Variants in EPS15 observed in about 807,000 individuals in gnomAD.
EPS15 encodes the protein epidermal growth factor receptor pathway substrate 15.
A neutral mutation model predicts 113.8 loss-of-function variants in EPS15; 72 were observed. The ratio of observed to expected loss-of-function variants is 0.63; its 90% confidence interval spans 0.52 to 0.77. The LOEUF is 0.77. Ranked by LOEUF, EPS15 falls within the 30% of genes least tolerant of loss-of-function variation. The pLI, the probability that EPS15 is intolerant of heterozygous loss-of-function variation, is 0.00. For missense variants in EPS15, 1,048 were observed against 1,045.8 expected (o/e 1.00, Z -0.03); for synonymous variants, 344 against 363.4 (o/e 0.95, Z 0.61).
intron 17 of EPS15, 51 bp from the exon 18 acceptor site, chr1:51,402,576 A>G: frequency 1.0e-6 from 1 of 972,044 alleles, no homozygotes; most frequent in Non-Finnish European, 1.6e-6. Flanking sequence ...AAGTTTTAAA[A>G]GGTAACATTT....
intron 10 of EPS15, 62 bp downstream of exon 10, chr1:51,446,898 T>C: frequency 3.6e-6 from 5 of 1,373,106 alleles, no homozygotes; most frequent in Non-Finnish European, 5.0e-6. Context: ...AAAATCAAAA[T>C]GCAGAAACTG....
chr1:51,472,119 C>T lies in EPS15; in HGVS notation c.166-382G>A, dbSNP rs189239611. Among the ~76,000 whole-genome samples, 583 of 151,968 alleles carry T rather than the reference C, an allele frequency of 3.8e-3. 3 individuals carry two copies. Among genetic ancestry groups the T allele is most frequent in the Non-Finnish European group, 4.8e-3 (325 of 67,960 alleles). ...CCCACGGAAGCCAAAAGATTGGGCA[C>T]CCCTGATTTAGTGCAACCCTTCACA... On this transcript the variant is annotated intron_variant, in intron 3 of 24. Transcript: ENST00000371733.
intron 21 of EPS15, among the ~76,000 whole-genome samples, chr1:51,381,122 G>C (rs1169639739): frequency 6.9e-6 from 1 of 145,018 alleles, no homozygotes; most frequent in Non-Finnish European, 1.5e-5. Context: ...AATAAGGAGA[G>C]AGAGGACTTG....
chr1:51,419,409 A>C (rs575367263), intron 13 of EPS15, among the ~76,000 whole-genome samples: 21 of 152,270 alleles, frequency 1.4e-4, no homozygotes, highest in Non-Finnish European at 1.8e-4. Flanking sequence ...CAAAACAAAA[A>C]AAAAATTAAA....
intron 12 of EPS15, among the ~76,000 whole-genome samples, chr1:51,437,177 A>G (rs1293061651): frequency 6.6e-6 from 1 of 152,194 alleles, no homozygotes; most frequent in Admixed American, 6.5e-5. Flanking sequence ...TGAACTAAAG[A>G]TGAAAACAAA....
At chr1:51,499,002 C>G (rs1054958788) in intron 1 of EPS15, among the ~76,000 whole-genome samples, 1 of 152,166 alleles carries the variant, frequency 6.6e-6, no homozygotes, top group African/African-American at 2.4e-5. Flanking sequence ...TCTCTTCTGC[C>G]ATGTGAGGCA....
intron 13 of EPS15, among the ~76,000 whole-genome samples, chr1:51,420,413 T>C (rs1021080244): frequency 6.6e-6 from 1 of 152,186 alleles, no homozygotes; most frequent in African/African-American, 2.4e-5. Flanking sequence ...CAAGAACCTA[T>C]GTACTTTAAA....
intron 21 of EPS15, among the ~76,000 whole-genome samples, chr1:51,368,286 C>T (rs1224710069): frequency 6.6e-6 from 1 of 152,078 alleles, no homozygotes; most frequent in African/African-American, 2.4e-5. Context: ...AGAAGATACA[C>T]TATTTTTGTT....
chr1:51,402,488 C>G lies in EPS15; in HGVS notation c.1829G>C (p.Gly610Ala), dbSNP rs34957183. The change falls in exon 18 of 25, where the codon GGT becomes GCT. Residue 610 changes from glycine (G) to alanine (A), a missense_variant. Physicochemically the swap from Gly to Ala is moderately conservative, Grantham distance 60. Transcript: ENST00000371733. The stretch of plus-strand genomic sequence containing the variant: ...ATCCAAGTTTGTATCTGCAACTGGA[C>G]CTGTCAGCGAACTTGAGTCTACATT... ...PFNVDSSSLT[G>A]PVADTNLDFF... 9.9e-3 allele frequency: 15,657 copies of G among 1,589,018 alleles called. 103 individuals carry two copies. The highest frequency in any genetic ancestry group is 0.013 in the Middle Eastern group (75 of 5,562).
chr1:51,472,257 C>A (rs1348704295), intron 3 of EPS15, among the ~76,000 whole-genome samples: 1 of 152,070 alleles, frequency 6.6e-6, no homozygotes, highest in Non-Finnish European at 1.5e-5. Flanking sequence ...TTTCATTAAT[C>A]CAAGTTCTAA....
intron 8 of EPS15, among the ~76,000 whole-genome samples, 154 bp from the exon 9 acceptor site, chr1:51,448,289 G>A (rs1459099635): frequency 6.6e-6 from 1 of 151,966 alleles, no homozygotes; most frequent in Non-Finnish European, 1.5e-5. Context: ...ATGAGGGAGG[G>A]ATGAAAGGAG....
At chr1:51,376,464 G>C (rs1311476398) in intron 21 of EPS15, among the ~76,000 whole-genome samples, 4 of 152,184 alleles carry the variant, frequency 2.6e-5, no homozygotes, top group Non-Finnish European at 5.9e-5. Flanking sequence ...AGGAGTTCGA[G>C]ACCAGCCTGG....
At chr1:51,451,457 C>A (rs529745392) in intron 8 of EPS15, among the ~76,000 whole-genome samples, 1 of 134,574 alleles carries the variant, frequency 7.4e-6, no homozygotes, top group South Asian at 2.3e-4. Flanking sequence ...TGCCACTGCA[C>A]TCCAGCCTGG....
intron 11 of EPS15, among the ~76,000 whole-genome samples, chr1:51,443,509 C>T (rs1652761555): frequency 6.6e-6 from 1 of 151,914 alleles, no homozygotes; most frequent in South Asian, 2.1e-4. Context: ...AAAAGGCCCC[C>T]CCCATAACTC....
chr1:51,485,900 C>A (rs571724379), intron 1 of EPS15, among the ~76,000 whole-genome samples: 98 of 152,110 alleles, frequency 6.4e-4, no homozygotes, highest in African/African-American at 2.1e-3. Context: ...CAGGTTCAAG[C>A]GATTCTCATG....
chr1:51,465,452 A>G (rs17397993), intron 5 of EPS15, 126 bp from the exon 6 acceptor site: 17,288 of 541,284 alleles, frequency 0.032, 387 homozygotes, highest in Non-Finnish European at 0.04. Flanking sequence ...ACAGGACACT[A>G]TTTTACATTT....
intron 8 of EPS15, chr1:51,457,535 TCCA>T: frequency 7.4e-6 from 1 of 135,202 alleles, no homozygotes; most frequent in Middle Eastern, 3.4e-3. Flanking sequence ...TTTTTTTTTT[TCCA>T]GATTCTGGAA....
intron 8 of EPS15, among the ~76,000 whole-genome samples, chr1:51,450,419 G>A (rs1360806628): frequency 6.6e-6 from 1 of 151,750 alleles, no homozygotes; most frequent in East Asian, 1.9e-4. Context: ...AAGGCAAAGG[G>A]GGTGCAGACG....
At chr1:51,506,270 TATC>T (rs1184516425) in intron 1 of EPS15, among the ~76,000 whole-genome samples, 1 of 152,246 alleles carries the variant, frequency 6.6e-6, no homozygotes, top group Non-Finnish European at 1.5e-5. Context: ...AATGCAGGTA[TATC>T]TTTTTAACTT....
Sources: allele counts gnomAD v4.1 joint callset (sites outside exome capture counted in the v4.1 genomes callset), GRCh38; gene constraint gnomAD v4.1.1; transcripts MANE v1.5; gene names NCBI Gene and HGNC (gene_info 2026-07-23, HGNC 2026-07-21).